ACOT12: variants seen among roughly 807,000 people sequenced by gnomAD.
ACOT12 encodes the protein acetyl-coenzyme A thioesterase.
In ACOT12, 51 loss-of-function variants were observed where a neutral mutation model predicts 67.7. The ratio of observed to expected loss-of-function variants is 0.75; its 90% CI spans 0.60 to 0.95. The LOEUF (loss-of-function observed/expected upper bound fraction) is 0.95. Among genes scored for constraint, ACOT12 ranks in the 40% least tolerant of loss-of-function variants. The probability of loss-of-function intolerance (pLI) is 0.00; values close to 1 mark genes in which losing one functional copy is unlikely to be tolerated. For missense variants in ACOT12, 734 were observed against 708.1 expected, an observed-to-expected ratio of 1.04 and a Z score of -0.41; for synonymous variants, 251 against 244.6, an observed-to-expected ratio of 1.03 and a Z score of -0.24.
rs75622543 is a variant in ACOT12, at chr5:81,391,576, G to C, written c.127+2412C>G. ...TGAACATCTTAGAAAAATCCTTAAAGCCCTTGGTGAAGAAAAGAAAGGGAA... is the reference window on the plus strand; with the variant it reads ...TGAACATCTTAGAAAAATCCTTAAACCCCTTGGTGAAGAAAAGAAAGGGAA... On this transcript the variant is annotated intron_variant, in intron 1 of 14. Coordinates refer to ENST00000307624, the MANE Select transcript of ACOT12 (RefSeq NM_130767.3). Among the ~76,000 whole-genome samples the C allele has an allele frequency of 1.6e-3, 240 of 152,286 alleles. 1 individual carries two copies. The highest frequency in any genetic ancestry group is 5.7e-3 in the African/African-American group (236 of 41,550).
At chr5:81,360,068 T>C (rs1759857039) in intron 4 of ACOT12, 30 bp from the exon 5 acceptor site, 2 of 1,581,750 alleles carry the variant, frequency 1.3e-6, no homozygotes, top group South Asian at 1.2e-5. Flanking sequence ...TATCTTTTAT[T>C]GCCTTGTTAA....
intron 2 of ACOT12, among the ~76,000 whole-genome samples, chr5:81,380,025 G>T (rs1474071670): frequency 6.6e-6 from 1 of 152,030 alleles, no homozygotes; most frequent in Non-Finnish European, 1.5e-5. Context: ...AGCATTTTTT[G>T]GCAGAAAAAC....
the ACOT12 span, among the ~76,000 whole-genome samples, chr5:81,311,891 G>GAAAGCA: frequency 2.6e-5 from 4 of 152,168 alleles, no homozygotes; most frequent in African/African-American, 9.7e-5. Context: ...CTATGTGAAG[G>GAAAGCA]AAAGCAAGAA....
chr5:81,384,810 G>C (rs1405051148), intron 2 of ACOT12, among the ~76,000 whole-genome samples: 3 of 152,174 alleles, frequency 2.0e-5, no homozygotes. Flanking sequence ...GTGTGGAGAG[G>C]TATTGATAAA....
intron 5 of ACOT12, among the ~76,000 whole-genome samples, chr5:81,350,513 C>A (rs1349866765): frequency 6.6e-6 from 1 of 152,082 alleles, no homozygotes; most frequent in Non-Finnish European, 1.5e-5. Context: ...TGCTTTATTT[C>A]TATCTTTTAT....
At chr5:81,361,511 A>G (rs10035223) in intron 4 of ACOT12, among the ~76,000 whole-genome samples, 2,051 of 152,170 alleles carry the variant, frequency 0.013, 43 homozygotes, top group African/African-American at 0.047. Context: ...TGATTTAACA[A>G]TTTTTGTAGT....
chr5:81,351,330 A>G (rs1759547230), intron 5 of ACOT12, among the ~76,000 whole-genome samples: 1 of 152,266 alleles, frequency 6.6e-6, no homozygotes, highest in East Asian at 1.9e-4. Context: ...AAATAAATTA[A>G]TACAATTATC....
chr5:81,326,093 G>A (rs139556522), downstream of ACOT12, among the ~76,000 whole-genome samples: 346 of 148,980 alleles, frequency 2.3e-3, 2 homozygotes, highest in African/African-American at 8.1e-3. Flanking sequence ...AGGCATGAGC[G>A]ACTGCACACC....
At chr5:81,338,450 C>T (rs1759078081) in intron 11 of ACOT12, among the ~76,000 whole-genome samples, 1 of 152,160 alleles carries the variant, frequency 6.6e-6, no homozygotes, top group Admixed American at 6.5e-5. Context: ...CTTCCTCCTG[C>T]TCTAGCCATG....
chr5:81,329,515 A>T (rs1758751295), downstream of ACOT12, among the ~76,000 whole-genome samples: 1 of 152,172 alleles, frequency 6.6e-6, no homozygotes, highest in African/African-American at 2.4e-5. Flanking sequence ...GCAGAGGTAG[A>T]ACTTTAGCAA....
At position 81,345,924 on chromosome 5, in the gene ACOT12, A is replaced by G. The variant is rs778936135; in HGVS notation, c.734T>C (p.Leu245Pro). 24 of 1,613,958 alleles carry G rather than the reference A, an allele frequency of 1.5e-5. No homozygotes were observed. The highest frequency in any genetic ancestry group is 8.5e-7 in the Non-Finnish European group (1 of 1,179,954). ...ATTGTTGACAATGGCAGTGAAGACA[A>G]GACGATCTCCAACTGTAGATGGTCC... Reference protein sequence around the residue: ...FRGPSTVGDRLVFTAIVNNTF... With the variant: ...FRGPSTVGDRPVFTAIVNNTF... Residue 245 changes from leucine to proline, a missense_variant, in exon 7 of 15, where the codon CTT becomes CCT. By Grantham distance (98) the Leu-to-Pro change is moderately conservative. Transcript: ENST00000307624.
downstream of ACOT12, among the ~76,000 whole-genome samples, chr5:81,327,174 T>C (rs1055517492): frequency 6.8e-6 from 1 of 148,132 alleles, no homozygotes; most frequent in East Asian, 2.0e-4. Context: ...TATATGTGTA[T>C]ATATATATAC....
chr5:81,311,215 C>A, the ACOT12 span: 4 of 1,613,982 alleles, frequency 2.5e-6, no homozygotes, highest in East Asian at 2.2e-5. Flanking sequence ...CAATAGGTGG[C>A]GGTTGCAAAC....
chr5:81,353,996 C>A (rs77130365), intron 5 of ACOT12, among the ~76,000 whole-genome samples: 68 of 152,160 alleles, frequency 4.5e-4, no homozygotes, highest in Non-Finnish European at 7.4e-4. Context: ...TACTACACAG[C>A]GGCTTTAAAT....
At chr5:81,348,373 C>T (rs1182011062) in intron 5 of ACOT12, among the ~76,000 whole-genome samples, 1 of 152,052 alleles carries the variant, frequency 6.6e-6, no homozygotes, top group African/African-American at 2.4e-5. Flanking sequence ...TAAATATGGG[C>T]CATTCATTGT....
chr5:81,385,952 T>G, intron 1 of ACOT12, 126 bp from the exon 2 acceptor site: 1 of 799,878 alleles, frequency 1.3e-6, no homozygotes, highest in Non-Finnish European at 2.0e-6. Context: ...ATAGCACCAC[T>G]GTGCCTACAC....
At chr5:81,371,269 A>G (rs1760240697) in intron 3 of ACOT12, among the ~76,000 whole-genome samples, 1 of 152,096 alleles carries the variant, frequency 6.6e-6, no homozygotes, top group African/African-American at 2.4e-5. Context: ...GTTGTTTCTT[A>G]AGAGACAAAG....
At position 81,380,748 on chromosome 5, in the gene ACOT12, A is replaced by G. The variant is rs1760558507; in HGVS notation, c.197+5009T>C. Reference sequence around the variant, plus strand: ...ATGTAGTGCGTCTCCACAATGGAGTACTATGTAGATACTAAAAGGAATGAT... The same window carrying G: ...ATGTAGTGCGTCTCCACAATGGAGTGCTATGTAGATACTAAAAGGAATGAT... On this transcript the variant is annotated intron_variant, in intron 2 of 14. Transcript: ENST00000307624. Among the ~76,000 whole-genome samples, 5 of 152,204 alleles carry G rather than the reference A, an allele frequency of 3.3e-5. No homozygotes were observed. In the South Asian group the frequency reaches 1.0e-3, roughly 32 times the overall value.
chr5:81,387,195 T>A (rs990022797), intron 1 of ACOT12, among the ~76,000 whole-genome samples: 1 of 151,618 alleles, frequency 6.6e-6, no homozygotes, highest in African/African-American at 2.4e-5. Context: ...TTAGTAGAGA[T>A]GGGGTTTCAC....
Sources: gnomAD v4.1 joint callset for allele counts (sites outside exome capture counted in the v4.1 genomes callset) on GRCh38, gnomAD v4.1.1 for gene constraint, MANE v1.5 for transcripts, NCBI Gene and HGNC (gene_info 2026-07-23, HGNC 2026-07-21) for gene names.